Variants in SPAG16 observed in about 807,000 individuals in gnomAD.
SPAG16 encodes sperm associated antigen 16, also known as sperm-associated antigen 16 protein.
SPAG16 carries 86 observed loss-of-function variants against 80.4 expected under a neutral mutation model. The ratio of observed to expected loss-of-function variants is 1.07; its 90% CI spans 0.90 to 1.28. SPAG16 has a LOEUF of 1.28. Ranked by LOEUF, SPAG16 falls within the 50% of genes most tolerant of loss-of-function variation. The pLI, the probability that SPAG16 is intolerant of heterozygous loss-of-function variation, is 0.00. For synonymous variants in SPAG16, 294 were observed against 265.9 expected, an observed-to-expected ratio of 1.11 and a Z score of -1.03; for missense variants, 870 against 765.3, an observed-to-expected ratio of 1.14 and a Z score of -1.61.
intron 1 of SPAG16, among the ~76,000 whole-genome samples, chr2:213,294,463 A>G (rs1393237641): frequency 1.3e-5 from 2 of 152,238 alleles, no homozygotes; most frequent in Non-Finnish European, 2.9e-5. Flanking sequence ...TACTCCTTGT[A>G]GTATTTAATA....
chr2:214,022,791 T>C (rs542713063), intron 13 of SPAG16, among the ~76,000 whole-genome samples: 118 of 152,178 alleles, frequency 7.8e-4, no homozygotes, highest in African/African-American at 2.8e-3. Flanking sequence ...ATATACCCTA[T>C]TTCACTTTTA....
chr2:214,095,080 A>G (rs1449895638), intron 13 of SPAG16, among the ~76,000 whole-genome samples: 1 of 151,992 alleles, frequency 6.6e-6, no homozygotes, highest in Non-Finnish European at 1.5e-5. Flanking sequence ...ATGAGGTGGA[A>G]GGAACTCAAA....
At chr2:213,648,037 T>C (rs1408811049) in intron 10 of SPAG16, among the ~76,000 whole-genome samples, 1 of 152,198 alleles carries the variant, frequency 6.6e-6, no homozygotes, top group Non-Finnish European at 1.5e-5. Context: ...TTAATAAAGT[T>C]TTCATTTTTA....
At chr2:213,833,802 G>T (rs1333035378) in intron 10 of SPAG16, among the ~76,000 whole-genome samples, 1 of 148,806 alleles carries the variant, frequency 6.7e-6, no homozygotes. Context: ...CATTTCCTCT[G>T]TCTCTTCATA....
chr2:213,744,822 C>A (rs1314695944), intron 10 of SPAG16, among the ~76,000 whole-genome samples: 1 of 152,164 alleles, frequency 6.6e-6, no homozygotes, highest in Non-Finnish European at 1.5e-5. Context: ...ATATAAGGTG[C>A]CATTAGATAC....
intron 13 of SPAG16, among the ~76,000 whole-genome samples, chr2:214,026,532 T>C (rs889270065): frequency 1.4e-4 from 21 of 151,694 alleles, no homozygotes; most frequent in African/African-American, 4.8e-4. Flanking sequence ...GGTTCTTTCA[T>C]TGAAAGAGAC....
intron 15 of SPAG16, among the ~76,000 whole-genome samples, chr2:214,374,511 G>T (rs1700011726): frequency 6.6e-6 from 1 of 152,116 alleles, no homozygotes; most frequent in Admixed American, 6.6e-5. Context: ...AGCTCTTGTT[G>T]CCTTACAAAC....
chr2:213,799,439 A>G (rs1174903300), intron 10 of SPAG16, among the ~76,000 whole-genome samples: 1 of 152,160 alleles, frequency 6.6e-6, no homozygotes, highest in Non-Finnish European at 1.5e-5. Flanking sequence ...ACATTGCTGA[A>G]TCAAATATTT....
Position 213,365,840 on chromosome 2 carries a change from C to A in SPAG16, c.832+1695C>A, listed in dbSNP as rs1051405153. Among the ~76,000 whole-genome samples the A allele has an allele frequency of 2.6e-5, 4 of 151,908 alleles. No homozygotes were observed. The East Asian group carries it at 7.8e-4, about 30-fold the overall frequency. ...TTTCAAGAGAGATCCATAAAGGCAT[C>A]TAGTCTAAAGAAGAAAGATAGGCCG... is the stretch of plus-strand genomic sequence containing the variant. On this transcript the variant is annotated intron_variant, in intron 8 of 15. Coordinates refer to ENST00000331683, the MANE Select transcript of SPAG16 (RefSeq NM_024532.5).
chr2:213,905,997 A>C (rs2077414343), intron 11 of SPAG16, among the ~76,000 whole-genome samples: 1 of 152,180 alleles, frequency 6.6e-6, no homozygotes, highest in Non-Finnish European at 1.5e-5. Flanking sequence ...GAGATGAATA[A>C]ATAAATTTCC....
At chr2:213,430,956 C>T (rs1483252157) in intron 9 of SPAG16, among the ~76,000 whole-genome samples, 1 of 152,060 alleles carries the variant, frequency 6.6e-6, no homozygotes, top group African/African-American at 2.4e-5. Flanking sequence ...CTGCCAACCC[C>T]AAATTTTATA....
chr2:213,742,983 G>A (rs2556309), intron 10 of SPAG16, among the ~76,000 whole-genome samples: 50,460 of 151,348 alleles, frequency 0.33, 9,469 homozygotes, highest in East Asian at 0.49. Flanking sequence ...CACTCACTGC[G>A]AGCTCCACCT....
chr2:213,790,604 GTTTTA>G (rs2070635343), intron 10 of SPAG16, among the ~76,000 whole-genome samples: 1 of 151,630 alleles, frequency 6.6e-6, no homozygotes, highest in Non-Finnish European at 1.5e-5. Flanking sequence ...GTTTTGGTCT[GTTTTA>G]TTTTGTGGGT....
chr2:213,707,680 T>C (rs1163082657), intron 10 of SPAG16, among the ~76,000 whole-genome samples: 1 of 152,032 alleles, frequency 6.6e-6, no homozygotes, highest in African/African-American at 2.4e-5. Context: ...ATTGAATGAA[T>C]GATTCAATAA....
intron 9 of SPAG16, among the ~76,000 whole-genome samples, chr2:213,409,291 G>A (rs1454287942): frequency 6.6e-6 from 1 of 152,156 alleles, no homozygotes; most frequent in Non-Finnish European, 1.5e-5. Flanking sequence ...TCTATAAACA[G>A]TTTATGTGCA....
At chr2:213,491,720 G>C (rs1488836315) in intron 10 of SPAG16, among the ~76,000 whole-genome samples, 5 of 152,248 alleles carry the variant, frequency 3.3e-5, no homozygotes, top group South Asian at 2.1e-4. Context: ...ATGAAAATGT[G>C]GAGAAGAAAC....
rs141157821 is a variant in SPAG16 at position 213,642,223 on chromosome 2, G to A, written c.1070+152133G>A. 9.1e-4 allele frequency among the ~76,000 whole-genome samples: 139 copies of A among 152,306 alleles called. 1 individual carries two copies. Among genetic ancestry groups the A allele is most frequent in the South Asian group, 3.3e-3 (16 of 4,818 alleles). On this transcript the variant is annotated intron_variant, in intron 10 of 15. Transcript: ENST00000331683. ...GCAGCAGCAAGCCACTTCTTCCAAA[G>A]GGTTTGTGAATTATTTTGGTTTTCC...
intron 13 of SPAG16, among the ~76,000 whole-genome samples, chr2:214,106,658 C>A (rs989792034): frequency 1.3e-5 from 2 of 151,874 alleles, no homozygotes; most frequent in African/African-American, 4.8e-5. Flanking sequence ...CAGTGAGGGG[C>A]ATCATGATGA....
chr2:213,437,532 TCACTTATTTCAA>T (rs1397117529), intron 9 of SPAG16, among the ~76,000 whole-genome samples: 1 of 152,220 alleles, frequency 6.6e-6, no homozygotes, highest in Non-Finnish European at 1.5e-5. Flanking sequence ...CTTTTTGTTC[TCACTTATTTCAA>T]CACAAATTCA....
Sources: allele counts gnomAD v4.1 joint callset (sites outside exome capture counted in the v4.1 genomes callset), GRCh38; gene constraint gnomAD v4.1.1; transcripts MANE v1.5; gene names NCBI Gene and HGNC (gene_info 2026-07-23, HGNC 2026-07-21).